The following MACROD2 variants were observed in gnomAD, a reference collection of about 807,000 sequenced individuals.
The protein encoded by MACROD2 is mono-ADP ribosylhydrolase 2, also known as ADP-ribose glycohydrolase MACROD2.
MACROD2 carries 36 observed loss-of-function variants against 70.4 expected under a neutral mutation model. The observed-to-expected ratio is 0.51, with a 90% CI of 0.39 to 0.68. The LOEUF (loss-of-function observed/expected upper bound fraction) is 0.68. MACROD2 is among the 30% of genes least tolerant of loss of function. The pLI is 0.00. For synonymous variants in MACROD2, 172 were observed against 178.8 expected (o/e 0.96, Z 0.30); for missense variants, 496 against 538.4 (o/e 0.92, Z 0.78).
At chr20:15,250,297 T>TAG (rs1187609937) in intron 6 of MACROD2, among the ~76,000 whole-genome samples, 2 of 152,192 alleles carry the variant, frequency 1.3e-5, no homozygotes, top group Non-Finnish European at 2.9e-5. Context: ...TGCACAGCCT[T>TAG]TTGTACACAG....
rs141071869 is a variant in MACROD2 at position 14,051,114 on chromosome 20, A to G, written c.164-34507A>G. Among the ~76,000 whole-genome samples, 15 of 152,358 alleles carry G rather than the reference A, an allele frequency of 9.8e-5. No homozygotes were observed. In the East Asian group the frequency reaches 2.7e-3, roughly 27 times the overall value. ...GCATAGTATGGTATTTGTGGTTAAA[A>G]TCTATATGCATGTTCAAATGTGTAC... On this transcript the variant is annotated intron_variant, in intron 2 of 17. Coordinates refer to ENST00000684519, the MANE Select transcript of MACROD2 (RefSeq NM_001351661.2).
rs879469590 is a variant in MACROD2, at chr20:15,468,294, T to TA, written c.572-31469dup. ...TACTTCCTCCATACTTCTATTCAATTAAAAAAAAAAAGAAAGAGAAAGAAG... is the reference window on the plus strand; with the variant it reads ...TACTTCCTCCATACTTCTATTCAATTAAAAAAAAAAAAGAAAGAGAAAGAAG... On this transcript the variant is annotated intron_variant, in intron 7 of 17. Transcript: ENST00000684519. Among the ~76,000 whole-genome samples the TA allele has an allele frequency of 5.8e-4, 84 of 145,526 alleles. 2 individuals are homozygous for TA. The highest frequency in any genetic ancestry group is 5.2e-3 in the South Asian group (24 of 4,584).
At chr20:14,170,418 G>T (rs1202720741) in intron 3 of MACROD2, among the ~76,000 whole-genome samples, 1 of 152,120 alleles carries the variant, frequency 6.6e-6, no homozygotes, top group Non-Finnish European at 1.5e-5. Flanking sequence ...TCCTTGTCTT[G>T]TTCCAGTTCT....
At chr20:14,167,754 C>T (rs1395915090) in intron 3 of MACROD2, among the ~76,000 whole-genome samples, 1 of 152,012 alleles carries the variant, frequency 6.6e-6, no homozygotes, top group East Asian at 1.9e-4. Context: ...TATAATTAAG[C>T]TTTTATTGAG....
intron 5 of MACROD2, among the ~76,000 whole-genome samples, chr20:15,126,113 T>C (rs2076064877): frequency 2.3e-4 from 1 of 4,268 alleles, no homozygotes; most frequent in African/African-American, 1.3e-3. Context: ...TGTTTCAACT[T>C]TTTTTTTTTT....
At chr20:14,644,453 G>C (rs1016351646) in intron 4 of MACROD2, among the ~76,000 whole-genome samples, 1 of 152,086 alleles carries the variant, frequency 6.6e-6, no homozygotes, top group African/African-American at 2.4e-5. Context: ...TTCAGAAATG[G>C]TTTTATAATT....
intron 5 of MACROD2, among the ~76,000 whole-genome samples, chr20:14,723,719 C>T (rs1019763847): frequency 6.6e-6 from 1 of 151,666 alleles, no homozygotes; most frequent in Non-Finnish European, 1.5e-5. Flanking sequence ...CTATTTGGTG[C>T]TATTCGGCTT....
In MACROD2 at chr20:14,677,694, C is replaced by T. The variant is rs548238634; in HGVS notation, c.302-7149C>T. Among the ~76,000 whole-genome samples the T allele has an allele frequency of 5.3e-5, 8 of 152,292 alleles. No homozygotes were observed. The South Asian group carries it at 8.3e-4, about 16-fold the overall frequency. Reference sequence around the variant, plus strand: ...ACCCCAATACTAGCTGACCTTACCACAGGCAGTCTTTAATAAGTCTCTGTT... The same window carrying T: ...ACCCCAATACTAGCTGACCTTACCATAGGCAGTCTTTAATAAGTCTCTGTT... On this transcript the variant is annotated intron_variant, in intron 4 of 17. Coordinates refer to ENST00000684519, the MANE Select transcript of MACROD2 (RefSeq NM_001351661.2).
chr20:15,049,370 A>C (rs2075421049), intron 5 of MACROD2, among the ~76,000 whole-genome samples: 1 of 152,046 alleles, frequency 6.6e-6, no homozygotes, highest in East Asian at 1.9e-4. Context: ...AAGAAAATAC[A>C]TGTCTTTCTA....
intron 10 of MACROD2, among the ~76,000 whole-genome samples, chr20:15,896,112 C>T (rs911124007): frequency 7.9e-5 from 12 of 152,302 alleles, no homozygotes; most frequent in African/African-American, 2.9e-4. Flanking sequence ...GATCATTACT[C>T]TCCTCTCTAG....
At chr20:14,501,465 T>G (rs185202905) in intron 4 of MACROD2, among the ~76,000 whole-genome samples, 1 of 151,990 alleles carries the variant, frequency 6.6e-6, no homozygotes, top group Non-Finnish European at 1.5e-5. Context: ...CTACAATACG[T>G]TTCTATTTTT....
intron 5 of MACROD2, among the ~76,000 whole-genome samples, chr20:14,703,314 AG>A (rs558685150): frequency 1.3e-3 from 200 of 152,250 alleles, no homozygotes; most frequent in African/African-American, 4.5e-3. Context: ...GCTGGGAAGG[AG>A]GGGTATGTCA....
chr20:14,643,531 G>A (rs926923285), intron 4 of MACROD2, among the ~76,000 whole-genome samples: 2 of 152,138 alleles, frequency 1.3e-5, no homozygotes, highest in Non-Finnish European at 2.9e-5. Flanking sequence ...GGCTTGATGA[G>A]CTCTAGGAGC....
At position 14,161,746 on chromosome 20, in the gene MACROD2, G is replaced by A. The variant is rs188357792; in HGVS notation, c.271+76018G>A. On this transcript the variant is annotated intron_variant, in intron 3 of 17. Transcript: ENST00000684519. ...TACGCGCCACCACACCACCACACCC[G>A]TTATTTATAGTCTTTGTTTCTTTCT... Among the ~76,000 whole-genome samples the A allele has an allele frequency of 2.6e-3, 395 of 151,650 alleles. 1 individual carries two copies. The highest frequency in any genetic ancestry group is 4.6e-3 in the South Asian group (22 of 4,804).
chr20:15,054,422 C>T (rs1568551522), intron 5 of MACROD2, among the ~76,000 whole-genome samples: 1 of 152,104 alleles, frequency 6.6e-6, no homozygotes, highest in Non-Finnish European at 1.5e-5. Context: ...ACCATAGAGG[C>T]AAGACTCCCC....
intron 5 of MACROD2, among the ~76,000 whole-genome samples, chr20:14,775,784 G>A (rs1157078455): frequency 6.6e-6 from 1 of 151,816 alleles, no homozygotes; most frequent in Non-Finnish European, 1.5e-5. Context: ...AAACCCTCTA[G>A]CAATTTTTGC....
chr20:14,434,355 T>A (rs958012389), intron 3 of MACROD2, among the ~76,000 whole-genome samples: 23 of 152,214 alleles, frequency 1.5e-4, no homozygotes, highest in African/African-American at 5.3e-4. Context: ...CTACCATTTT[T>A]AAACTCGGTT....
chr20:15,936,548 A>G (rs908290822), intron 11 of MACROD2, among the ~76,000 whole-genome samples: 9 of 149,604 alleles, frequency 6.0e-5, no homozygotes, highest in African/African-American at 2.2e-4. Context: ...ACTTTTTTCT[A>G]TAGTAACAGG....
chr20:15,159,870 C>G (rs2076335712), intron 5 of MACROD2, among the ~76,000 whole-genome samples: 2 of 151,890 alleles, frequency 1.3e-5, no homozygotes, highest in African/African-American at 4.8e-5. Flanking sequence ...ATTCTCAGCG[C>G]AGTGGGAGAG....
Sources: allele counts gnomAD v4.1 joint callset (sites outside exome capture counted in the v4.1 genomes callset), GRCh38; gene constraint gnomAD v4.1.1; transcripts MANE v1.5; gene names NCBI Gene and HGNC (gene_info 2026-07-23, HGNC 2026-07-21).